Variants in NUDT21 observed in about 807,000 individuals in gnomAD.
The protein encoded by NUDT21 is cleavage and polyadenylation specificity factor subunit 5.
A neutral mutation model predicts 29.8 loss-of-function variants in NUDT21; 5 were observed. The ratio of observed to expected loss-of-function variants is 0.17; its 90% CI spans 0.09 to 0.35. The LOEUF is 0.35. Ranked by LOEUF, NUDT21 falls within the 10% of genes least tolerant of loss-of-function variation. The pLI is 1.00. For synonymous variants in NUDT21, 113 were observed against 98.5 expected, an observed-to-expected ratio of 1.15 and a Z score of -0.87; for missense variants, 76 against 276.0, an observed-to-expected ratio of 0.28 and a Z score of 5.13.
At chr16:56,444,521 T>G (rs1380509263) in intron 3 of NUDT21, among the ~76,000 whole-genome samples, 1 of 150,944 alleles carries the variant, frequency 6.6e-6, no homozygotes, top group Non-Finnish European at 1.5e-5. Flanking sequence ...GAGGCAGAGG[T>G]TGCAGTGAGC....
rs1962035721 is a variant in NUDT21, at chr16:56,431,684, A to G, written c.*1028T>C. 6.6e-6 allele frequency: 1 copy of G among 152,184 alleles called. No homozygotes were observed. The highest frequency in any genetic ancestry group is 6.5e-5 in the Admixed American group (1 of 15,278). 9.4% of individuals were successfully genotyped at this position (152,184 alleles called of 1,614,324 possible). ...CACAACCAGCAAACTCCTTTGCTCT[A>G]ATATTTTTTATTCCCCCAAATTTGA... On this transcript the variant is annotated 3_prime_UTR_variant, in exon 7 of 7. Coordinates refer to ENST00000300291, the MANE Select transcript of NUDT21 (RefSeq NM_007006.3).
At chr16:56,434,242 T>C in intron 6 of NUDT21, 89 bp downstream of exon 6, 1 of 816,158 alleles carries the variant, frequency 1.2e-6, no homozygotes, top group South Asian at 1.5e-5. Flanking sequence ...AAGACCAAAA[T>C]TCATGAACTA....
At chr16:56,437,136 C>A (rs183837313) in intron 4 of NUDT21, among the ~76,000 whole-genome samples, 48 of 152,212 alleles carry the variant, frequency 3.2e-4, no homozygotes, top group Admixed American at 8.5e-4. Context: ...TAGTGAACAC[C>A]AGCATCAGCT....
chr16:56,441,613 C>T (rs1962160405), intron 3 of NUDT21, among the ~76,000 whole-genome samples: 1 of 152,218 alleles, frequency 6.6e-6, no homozygotes, highest in South Asian at 2.1e-4. Flanking sequence ...TAAAATCACA[C>T]ATCCTAGTTA....
At chr16:56,444,519 G>C (rs954900819) in intron 3 of NUDT21, among the ~76,000 whole-genome samples, 2 of 151,410 alleles carry the variant, frequency 1.3e-5, no homozygotes, top group Admixed American at 1.3e-4. Flanking sequence ...AGGAGGCAGA[G>C]GTTGCAGTGA....
chr16:56,436,664 T>C (rs1287937256), intron 4 of NUDT21, among the ~76,000 whole-genome samples: 2 of 152,202 alleles, frequency 1.3e-5, no homozygotes, highest in African/African-American at 2.4e-5. Context: ...ATGAGTAGCA[T>C]TTCCCCAAAT....
At position 56,447,919 on chromosome 16, in the gene NUDT21, T is replaced by G. The variant is rs1345544104; in HGVS notation, c.187A>C (p.Arg63=). The G allele has an allele frequency of 6.2e-7, 1 of 1,614,160 alleles. No homozygotes were observed. Among genetic ancestry groups the G allele is most frequent in the South Asian group, 1.1e-5 (1 of 91,084 alleles). Residue 63 remains arginine, a synonymous_variant, in exon 2 of 7, where the codon AGA becomes CGA. Transcript: ENST00000300291. The stretch of plus-strand genomic sequence containing the variant: ...AATTCTTCCCTCATGCGCTGAAATC[T>G]GGCTGCAACAGAGCTGTCCTTCTCG... ...LYEKDSSVAA[R]FQRMREEFDK...
At chr16:56,445,044 C>T (rs533570567) in intron 3 of NUDT21, among the ~76,000 whole-genome samples, 1 of 152,238 alleles carries the variant, frequency 6.6e-6, no homozygotes, top group South Asian at 2.1e-4. Flanking sequence ...ATTAGCTGGG[C>T]GTGGAGGCAG....
At chr16:56,447,468 T>C (rs1346928251) in intron 2 of NUDT21, among the ~76,000 whole-genome samples, 1 of 152,194 alleles carries the variant, frequency 6.6e-6, no homozygotes, top group Non-Finnish European at 1.5e-5. Context: ...ATGCTAATCA[T>C]ACCAAGAAAG....
intron 3 of NUDT21, among the ~76,000 whole-genome samples, chr16:56,441,846 AATT>A (rs1189111136): frequency 3.3e-5 from 5 of 152,206 alleles, no homozygotes; most frequent in Admixed American, 1.3e-4. Flanking sequence ...ATTTCTTCCC[AATT>A]CAAATATCAA....
At position 56,451,234 on chromosome 16, in the gene NUDT21, A is replaced by G. The variant is rs58701859; in HGVS notation, c.-32T>C. 1,840 of 1,525,152 alleles carry G rather than the reference A, an allele frequency of 1.2e-3. 17 individuals carry two copies. The African/African-American group carries it at 0.022, about 18-fold the overall frequency. The allele number at this position is 1,525,152 out of a possible 1,614,324, so 94.5% of individuals were successfully genotyped here. A position where few individuals can be genotyped will look rare whatever the true frequency, so the allele number is the denominator to read the frequency against. On this transcript the variant is annotated 5_prime_UTR_variant, in exon 1 of 7. Coordinates refer to ENST00000300291, the MANE Select transcript of NUDT21 (RefSeq NM_007006.3). Reference sequence around the variant, plus strand: ...GAGCTCCGGCGCTGACGGCGAGCAGAAAGTGGCAGGCAGGGTAGACTTTCC... The same window carrying G: ...GAGCTCCGGCGCTGACGGCGAGCAGGAAGTGGCAGGCAGGGTAGACTTTCC...
rs1168878869 is a variant in NUDT21 at position 56,430,837 on chromosome 16, C to CT, written c.*1874dup. 1 of 152,184 alleles carries CT rather than the reference C, an allele frequency of 6.6e-6. No homozygotes were observed. The highest frequency in any genetic ancestry group is 6.5e-5 in the Admixed American group (1 of 15,286). The allele number at this position is 152,184 out of a possible 1,614,324, so 9.4% of individuals were successfully genotyped here. On this transcript the variant is annotated 3_prime_UTR_variant, in exon 7 of 7. Coordinates refer to ENST00000300291, the MANE Select transcript of NUDT21 (RefSeq NM_007006.3). Reference sequence around the variant, plus strand: ...AATCAAAGGTTTTTCTCAACTAGGCCTTAGTGTATGGATGACTGGCTCACG... The same window carrying CT: ...AATCAAAGGTTTTTCTCAACTAGGCCTTTAGTGTATGGATGACTGGCTCACG...
At chr16:56,445,077 G>A (rs765573099) in intron 3 of NUDT21, among the ~76,000 whole-genome samples, 4 of 152,028 alleles carry the variant, frequency 2.6e-5, no homozygotes, top group African/African-American at 9.7e-5. Context: ...CCATCTACTC[G>A]GGAGGCTGAG....
At position 56,451,245 on chromosome 16, in the gene NUDT21, C is replaced by G. The variant is rs1406881694; in HGVS notation, c.-43G>C. On this transcript the variant is annotated 5_prime_UTR_variant, in exon 1 of 7. Transcript: ENST00000300291. ...CTGACGGCGAGCAGAAAGTGGCAGG[C>G]AGGGTAGACTTTCCCCGTGCGGGAA... The G allele has an allele frequency of 6.9e-7, 1 of 1,450,962 alleles. No individual in the cohort carries two copies. Among genetic ancestry groups the G allele is most frequent in the Non-Finnish European group, 9.5e-7 (1 of 1,056,032 alleles). The allele number at this position is 1,450,962 out of a possible 1,614,324, so 89.9% of individuals were successfully genotyped here. A position where few individuals can be genotyped will look rare whatever the true frequency, so the allele number is the denominator to read the frequency against.
intron 3 of NUDT21, chr16:56,446,354 C>A: frequency 3.4e-6 from 1 of 291,464 alleles, no homozygotes; most frequent in Non-Finnish European, 6.3e-6. Flanking sequence ...AAGGAATTAG[C>A]GCATGTAAAG....
chr16:56,439,854 T>C, intron 3 of NUDT21, 108 bp from the exon 4 acceptor site: 1 of 820,490 alleles, frequency 1.2e-6, no homozygotes. Flanking sequence ...AACATAGGGA[T>C]AATATGCCTT....
intron 3 of NUDT21, among the ~76,000 whole-genome samples, chr16:56,445,401 A>G (rs1962208399): frequency 6.6e-6 from 1 of 152,232 alleles, no homozygotes; most frequent in Admixed American, 6.5e-5. Context: ...CCACCCCCTC[A>G]AGCATTTATC....
intron 1 of NUDT21, 116 bp downstream of exon 1, chr16:56,450,971 G>T: frequency 1.3e-6 from 1 of 769,426 alleles, no homozygotes; most frequent in East Asian, 2.7e-5. Context: ...CCGCCAGCGG[G>T]AGTTGGAGGC....
intron 1 of NUDT21, 23 bp downstream of exon 1, chr16:56,451,064 C>G: frequency 4.4e-6 from 7 of 1,600,190 alleles, no homozygotes; most frequent in Non-Finnish European, 6.0e-6. Context: ...GAGAAATGCC[C>G]GCCAAGGCCG....
Sources: gnomAD v4.1 joint callset for allele counts (sites outside exome capture counted in the v4.1 genomes callset) on GRCh38, gnomAD v4.1.1 for gene constraint, MANE v1.5 for transcripts, NCBI Gene and HGNC (gene_info 2026-07-23, HGNC 2026-07-21) for gene names.